The following ANKS1B variants were observed in gnomAD, a reference collection of about 807,000 sequenced individuals.
The protein encoded by ANKS1B is ankyrin repeat and sterile alpha motif domain-containing protein 1B.
Under a neutral mutation model 148.3 loss-of-function variants are expected in ANKS1B, and 36 were observed. That is an observed-to-expected ratio of 0.24 (90% CI 0.19 to 0.32). The LOEUF (loss-of-function observed/expected upper bound fraction) is 0.32. Among genes scored for constraint, ANKS1B ranks in the 10% least tolerant of loss-of-function variants. The pLI, the probability that ANKS1B is intolerant of heterozygous loss-of-function variation, is 1.00. For missense variants in ANKS1B, 1,157 were observed against 1,542.6 expected (o/e 0.75, Z 4.19); for synonymous variants, 542 against 560.8 (o/e 0.97, Z 0.47).
chr12:98,745,442 C>G lies in ANKS1B; in HGVS notation c.*297G>C. On this transcript the variant is annotated 3_prime_UTR_variant, in exon 27 of 27. Coordinates refer to ENST00000683438, the MANE Select transcript of ANKS1B (RefSeq NM_001352186.2). ...TTCCCCAAATGAAGCAAAGCAAGTA[C>G]TGGGGCGGAGTCATCAGAAATACCT... The G allele has an allele frequency of 1.0e-6, 1 of 992,780 alleles. No individual in the cohort carries two copies. Among genetic ancestry groups the G allele is most frequent in the Non-Finnish European group, 1.2e-6 (1 of 841,978 alleles). The allele number at this position is 992,780 out of a possible 1,614,324, so 61.5% of individuals were successfully genotyped here. A position where few individuals can be genotyped will look rare whatever the true frequency, so the allele number is the denominator to read the frequency against.
intron 12 of ANKS1B, among the ~76,000 whole-genome samples, chr12:99,386,696 G>A (rs1005120320): frequency 1.3e-5 from 2 of 152,190 alleles, no homozygotes; most frequent in Non-Finnish European, 2.9e-5. Context: ...CTTTATAAAT[G>A]TCTAAGAAAA....
At chr12:99,685,633 T>A (rs2098645001) in intron 8 of ANKS1B, among the ~76,000 whole-genome samples, 1 of 152,300 alleles carries the variant, frequency 6.6e-6, no homozygotes, top group Admixed American at 6.5e-5. Flanking sequence ...TGCACATGCA[T>A]GTTTATAGCA....
chr12:99,046,794 C>T (rs1418148994), intron 17 of ANKS1B, among the ~76,000 whole-genome samples: 8 of 128,040 alleles, frequency 6.2e-5, no homozygotes, highest in Non-Finnish European at 1.1e-4. Flanking sequence ...GGCAACAGAG[C>T]GAGACTCTGT....
chr12:98,826,334 A>G (rs1371206876), intron 19 of ANKS1B, among the ~76,000 whole-genome samples: 4 of 152,210 alleles, frequency 2.6e-5, no homozygotes, highest in African/African-American at 9.6e-5. Flanking sequence ...ATTAAACCCC[A>G]TTCTAGTGTT....
intron 9 of ANKS1B, among the ~76,000 whole-genome samples, chr12:98,736,991 GTTGTC>G (rs1010268808): frequency 6.6e-6 from 1 of 152,216 alleles, no homozygotes; most frequent in African/African-American, 2.4e-5. Context: ...AGTATCAGCA[GTTGTC>G]TTATCTGAAA....
chr12:99,892,518 C>T (rs1456730638), intron 1 of ANKS1B, among the ~76,000 whole-genome samples: 2 of 152,092 alleles, frequency 1.3e-5, no homozygotes, highest in Non-Finnish European at 2.9e-5. Flanking sequence ...CCTGAATCCC[C>T]AACCAGAAGT....
intron 9 of ANKS1B, among the ~76,000 whole-genome samples, chr12:99,557,505 T>C (rs1035242933): frequency 9.2e-5 from 14 of 152,244 alleles, no homozygotes; most frequent in Admixed American, 3.3e-4. Context: ...TTTTCACCTC[T>C]ATCAGATGAT....
chr12:99,972,462 TAGA>T (rs1190282581), intron 1 of ANKS1B, among the ~76,000 whole-genome samples: 1 of 152,164 alleles, frequency 6.6e-6, no homozygotes, highest in Admixed American at 6.5e-5. Context: ...GGGGTCTGGA[TAGA>T]AGATCATAAC....
intron 1 of ANKS1B, among the ~76,000 whole-genome samples, chr12:99,909,828 T>C (rs1191997267): frequency 6.6e-6 from 1 of 152,130 alleles, no homozygotes; most frequent in Non-Finnish European, 1.5e-5. Flanking sequence ...TTCCCTCTTC[T>C]CTCTATGCTT....
intron 1 of ANKS1B, among the ~76,000 whole-genome samples, chr12:99,830,637 A>C (rs2083832448): frequency 1.1e-5 from 1 of 90,538 alleles, no homozygotes; most frequent in African/African-American, 5.9e-5. Flanking sequence ...ATCTGAAAGA[A>C]GCAAAAAAAA....
intron 10 of ANKS1B, among the ~76,000 whole-genome samples, chr12:99,490,914 A>C (rs1276698928): frequency 2.0e-5 from 3 of 152,252 alleles, no homozygotes; most frequent in Admixed American, 6.5e-5. Flanking sequence ...AGCATTACGT[A>C]AGATTGTAAG....
intron 9 of ANKS1B, among the ~76,000 whole-genome samples, chr12:99,507,001 A>G (rs2096718522): frequency 6.6e-6 from 1 of 151,974 alleles, no homozygotes; most frequent in South Asian, 2.1e-4. Context: ...AGGTCCTGCC[A>G]ATAGTTGATG....
chr12:99,937,747 A>C (rs1006879061), intron 1 of ANKS1B, among the ~76,000 whole-genome samples: 1 of 152,078 alleles, frequency 6.6e-6, no homozygotes, highest in South Asian at 2.1e-4. Context: ...AGGGGTATTT[A>C]TTTTCTTTCT....
chr12:98,922,638 A>G (rs1038762474), intron 17 of ANKS1B, among the ~76,000 whole-genome samples: 1 of 152,092 alleles, frequency 6.6e-6, no homozygotes, highest in African/African-American at 2.4e-5. Context: ...AGCTGGAATT[A>G]TAGGCATGCA....
chr12:98,800,675 G>GATATATATAT lies in ANKS1B; in HGVS notation c.3270+312_3270+321dup, dbSNP rs3049844. On this transcript the variant is annotated intron_variant, in intron 21 of 26. Coordinates refer to ENST00000683438, the MANE Select transcript of ANKS1B (RefSeq NM_001352186.2). Reference sequence around the variant, plus strand: ...ACCCAGTGTTTGGTGAGTGAGCAGAGATATATATATATATATGCCATATTT... The same window carrying GATATATATAT: ...ACCCAGTGTTTGGTGAGTGAGCAGAGATATATATATATATATATATATATATGCCATATTT... 2.3e-3 allele frequency among the ~76,000 whole-genome samples: 225 copies of GATATATATAT among 99,696 alleles called. 21 individuals are homozygous for GATATATATAT. Among genetic ancestry groups the GATATATATAT allele is most frequent in the African/African-American group, 6.7e-3 (199 of 29,512 alleles). The allele number at this position is 99,696 out of a possible 152,430, so 65.4% of individuals were successfully genotyped here.
intron 1 of ANKS1B, among the ~76,000 whole-genome samples, chr12:99,842,115 A>G (rs961729681): frequency 6.6e-6 from 1 of 152,054 alleles, no homozygotes; most frequent in African/African-American, 2.4e-5. Flanking sequence ...ATTTCTACGG[A>G]GGTTTTGCCC....
chr12:98,874,898 C>T (rs2099683951), intron 17 of ANKS1B, among the ~76,000 whole-genome samples: 1 of 152,178 alleles, frequency 6.6e-6, no homozygotes, highest in African/African-American at 2.4e-5. Flanking sequence ...AACAATGACA[C>T]ACATAGCTTG....
chr12:99,375,255 G>A (rs890867092), intron 12 of ANKS1B, among the ~76,000 whole-genome samples: 7 of 152,190 alleles, frequency 4.6e-5, no homozygotes, highest in African/African-American at 1.7e-4. Flanking sequence ...TGTATCCCTA[G>A]ATGCCAGTAG....
chr12:98,924,509 GC>G (rs2099805551), intron 17 of ANKS1B, among the ~76,000 whole-genome samples: 1 of 152,060 alleles, frequency 6.6e-6, no homozygotes, highest in Admixed American at 6.6e-5. Flanking sequence ...AACCAAAGTA[GC>G]TTCCCCCAAG....
Sources: gnomAD v4.1 joint callset for allele counts (sites outside exome capture counted in the v4.1 genomes callset) on GRCh38, gnomAD v4.1.1 for gene constraint, MANE v1.5 for transcripts, NCBI Gene and HGNC (gene_info 2026-07-23, HGNC 2026-07-21) for gene names.